The following TAFA2 variants were observed in gnomAD, a reference collection of about 807,000 sequenced individuals.
TAFA2 encodes TAFA chemokine like family member 2, also known as chemokine-like protein TAFA-2.
TAFA2 carries 7 observed loss-of-function variants against 18.8 expected under a neutral mutation model. The observed-to-expected ratio is 0.37, with a 90% CI of 0.21 to 0.70. The LOEUF (loss-of-function observed/expected upper bound fraction) is 0.70, where lower values mean the gene tolerates loss of function less well. TAFA2 is among the 30% of genes least tolerant of loss of function. The probability of loss-of-function intolerance (pLI) is 0.53; values close to 1 mark genes in which losing one functional copy is unlikely to be tolerated. For synonymous variants in TAFA2, 60 were observed against 54.2 expected, an observed-to-expected ratio of 1.11 and a Z score of -0.47; for missense variants, 122 against 158.1, an observed-to-expected ratio of 0.77 and a Z score of 1.23.
chr12:62,108,122 T>A (rs771709593), intron 1 of TAFA2, among the ~76,000 whole-genome samples: 17 of 152,186 alleles, frequency 1.1e-4, no homozygotes, highest in African/African-American at 2.2e-4. Flanking sequence ...TTTCTCCTAA[T>A]GCTATCCCTC....
At chr12:61,734,359 G>A (rs990044681) in intron 4 of TAFA2, among the ~76,000 whole-genome samples, 2 of 128,606 alleles carry the variant, frequency 1.6e-5, no homozygotes, top group African/African-American at 6.0e-5. Flanking sequence ...CTCTGGGGAC[G>A]GTTGTGGGGT....
At chr12:61,860,655 T>C (rs549047559) in intron 2 of TAFA2, among the ~76,000 whole-genome samples, 1 of 152,278 alleles carries the variant, frequency 6.6e-6, no homozygotes, top group East Asian at 1.9e-4. Flanking sequence ...TCAGCTCCAG[T>C]GAATTCTTTG....
chr12:61,851,593 G>A (rs34416737), intron 2 of TAFA2, among the ~76,000 whole-genome samples: 43,676 of 150,586 alleles, frequency 0.29, 6,918 homozygotes, highest in South Asian at 0.4. Context: ...TGGCTAACAC[G>A]GTGAAACCTG....
chr12:61,886,614 T>C (rs1875392879), intron 1 of TAFA2, among the ~76,000 whole-genome samples: 1 of 152,150 alleles, frequency 6.6e-6, no homozygotes, highest in African/African-American at 2.4e-5. Context: ...AGTGGCAAGT[T>C]CTCGTGTGGG....
rs140588651 is a variant in TAFA2, at chr12:61,765,905, G to A, written c.107-10881C>T. 4.1e-3 allele frequency among the ~76,000 whole-genome samples: 621 copies of A among 152,148 alleles called. 1 individual carries two copies. The highest frequency in any genetic ancestry group is 0.037 in the Middle Eastern group (11 of 294). ...TTCTATATCACAGAGCTAGAGAGGA[G>A]GAGATAGCTAACTAGAACTCACTTC... On this transcript the variant is annotated intron_variant, in intron 2 of 4. Transcript: ENST00000416284.
At chr12:61,912,650 A>C (rs1441286436) in intron 1 of TAFA2, among the ~76,000 whole-genome samples, 1 of 152,194 alleles carries the variant, frequency 6.6e-6, no homozygotes, top group African/African-American at 2.4e-5. Context: ...TTCTCAGTGG[A>C]ATCACTTTGC....
chr12:61,954,407 G>A (rs1323427365), intron 1 of TAFA2, among the ~76,000 whole-genome samples: 2 of 152,118 alleles, frequency 1.3e-5, no homozygotes, highest in Admixed American at 1.3e-4. Context: ...CTATTATGTA[G>A]CATTTGGAAT....
intron 2 of TAFA2, among the ~76,000 whole-genome samples, chr12:61,808,651 T>C (rs570305577): frequency 6.6e-6 from 1 of 151,550 alleles, no homozygotes; most frequent in East Asian, 1.9e-4. Flanking sequence ...TAAAAGCCTT[T>C]AAGTTTAGAC....
At chr12:61,933,168 T>A (rs1001021100) in intron 1 of TAFA2, among the ~76,000 whole-genome samples, 1 of 152,190 alleles carries the variant, frequency 6.6e-6, no homozygotes, top group African/African-American at 2.4e-5. Context: ...TGAATGTGTC[T>A]CATTTCTAGA....
At chr12:61,767,519 G>T (rs1042360358) in intron 2 of TAFA2, among the ~76,000 whole-genome samples, 3 of 152,024 alleles carry the variant, frequency 2.0e-5, no homozygotes, top group African/African-American at 7.2e-5. Context: ...TTTGAAGCCA[G>T]CAAGAGCCCT....
intron 1 of TAFA2, among the ~76,000 whole-genome samples, chr12:62,010,997 G>A (rs2588507): frequency 0.14 from 13,302 of 95,738 alleles, 3,483 homozygotes; most frequent in East Asian, 0.2. Flanking sequence ...CGGCCACCCC[G>A]TCTGGGAAGT....
chr12:62,241,085 A>G (rs949184500), intron 1 of TAFA2, among the ~76,000 whole-genome samples: 1 of 152,104 alleles, frequency 6.6e-6, no homozygotes, highest in Non-Finnish European at 1.5e-5. Flanking sequence ...ATGTTATATA[A>G]ACTCCTTGAG....
intron 1 of TAFA2, among the ~76,000 whole-genome samples, chr12:62,209,859 A>T (rs1366283861): frequency 6.6e-6 from 1 of 152,210 alleles, no homozygotes; most frequent in Non-Finnish European, 1.5e-5. Flanking sequence ...TGACTTATAA[A>T]CTGAGGCTTA....
At chr12:61,857,923 C>G (rs1439889630) in intron 2 of TAFA2, among the ~76,000 whole-genome samples, 2 of 152,192 alleles carry the variant, frequency 1.3e-5, no homozygotes, top group Admixed American at 6.5e-5. Flanking sequence ...AAGAAGCCAT[C>G]TATTTTTTTC....
intron 1 of TAFA2, among the ~76,000 whole-genome samples, chr12:62,245,616 T>C (rs1028789587): frequency 1.4e-5 from 2 of 148,000 alleles, no homozygotes; most frequent in African/African-American, 4.9e-5. Context: ...CATATAAATA[T>C]ATATTATACA....
intron 4 of TAFA2, among the ~76,000 whole-genome samples, chr12:61,718,043 A>G (rs1052907755): frequency 2.0e-5 from 3 of 152,106 alleles, no homozygotes; most frequent in Non-Finnish European, 4.4e-5. Flanking sequence ...CACTTTGAAG[A>G]CTTCATTTTC....
intron 4 of TAFA2, among the ~76,000 whole-genome samples, chr12:61,725,235 T>C (rs1870105445): frequency 6.6e-6 from 1 of 152,150 alleles, no homozygotes; most frequent in Admixed American, 6.6e-5. Flanking sequence ...CTGTGGGTTG[T>C]CTGTTTACTC....
intron 4 of TAFA2, among the ~76,000 whole-genome samples, chr12:61,744,686 C>G (rs1868615892): frequency 6.6e-6 from 1 of 152,034 alleles, no homozygotes; most frequent in Non-Finnish European, 1.5e-5. Flanking sequence ...TTCCAAGTAG[C>G]TGGGGGTACA....
At chr12:61,940,838 T>C (rs2121419993) in intron 1 of TAFA2, among the ~76,000 whole-genome samples, 1 of 152,294 alleles carries the variant, frequency 6.6e-6, no homozygotes, top group South Asian at 2.1e-4. Context: ...ACTAGAATAC[T>C]ATGGTTATGA....
Sources: gnomAD v4.1 joint callset for allele counts (sites outside exome capture counted in the v4.1 genomes callset) on GRCh38, gnomAD v4.1.1 for gene constraint, MANE v1.5 for transcripts, NCBI Gene and HGNC (gene_info 2026-07-23, HGNC 2026-07-21) for gene names.